Variants in IPCEF1 observed in about 807,000 individuals in gnomAD.
IPCEF1 encodes the protein interaction protein for cytohesin exchange factors 1.
In IPCEF1, 31 loss-of-function variants were observed where a neutral mutation model predicts 50.9. That is an observed-to-expected ratio of 0.61 (90% CI 0.46 to 0.82). The LOEUF is 0.82. Ranked by LOEUF, IPCEF1 falls within the 40% of genes least tolerant of loss-of-function variation. The pLI, the probability that IPCEF1 is intolerant of heterozygous loss-of-function variation, is 0.00. For synonymous variants in IPCEF1, 181 were observed against 192.0 expected (o/e 0.94, Z 0.47); for missense variants, 458 against 514.0 (o/e 0.89, Z 1.05).
rs190964260 is a variant in IPCEF1 at position 154,299,068 on chromosome 6, A to G, written c.-61-9312T>C. On this transcript the variant is annotated intron_variant, in intron 1 of 11. Transcript: ENST00000367220. ...CCTCTTTATCCCAGGATGTTAACCC[A>G]AAGAGTTTAGGAAATACTGCTATTT... Among the ~76,000 whole-genome samples the G allele has an allele frequency of 1.4e-5, 2 of 141,876 alleles. 1 individual carries two copies. The highest frequency in any genetic ancestry group is 1.4e-4 in the Admixed American group (2 of 13,796). 93.1% of individuals were successfully genotyped at this position (141,876 alleles called of 152,430 possible).
rs553240040 is a variant in IPCEF1 at position 154,266,104 on chromosome 6, C to T, written c.-17-140G>A. 63 of 592,832 alleles carry T rather than the reference C, an allele frequency of 1.1e-4. 1 individual carries two copies. Among genetic ancestry groups the T allele is most frequent in the South Asian group, 9.6e-4 (44 of 45,602 alleles). 36.7% of individuals were successfully genotyped at this position (592,832 alleles called of 1,614,324 possible). Reference sequence around the variant, plus strand: ...AAAAGTAATTCATTAAATAGCCTTTCGGCCAGGCATGGTGGCTCATGCCTC... The same window carrying T: ...AAAAGTAATTCATTAAATAGCCTTTTGGCCAGGCATGGTGGCTCATGCCTC... On this transcript the variant is annotated intron_variant, in intron 2 of 11. Transcript: ENST00000367220.
chr6:154,354,126 T>C (rs991596138), intron 1 of IPCEF1, among the ~76,000 whole-genome samples: 3 of 152,210 alleles, frequency 2.0e-5, no homozygotes, highest in Non-Finnish European at 4.4e-5. Flanking sequence ...AGTCAATATG[T>C]TATAGTCACC....
At chr6:154,219,332 CTACT>C (rs1778660617) in intron 7 of IPCEF1, 1 of 152,334 alleles carries the variant, frequency 6.6e-6, no homozygotes, top group South Asian at 2.1e-4. Context: ...GAGAGGAAAA[CTACT>C]TGCAAGGAAT....
chr6:154,242,237 T>C (rs1331640637), intron 5 of IPCEF1, among the ~76,000 whole-genome samples: 2 of 152,178 alleles, frequency 1.3e-5, no homozygotes, highest in Non-Finnish European at 2.9e-5. Context: ...AGAGCAGCTG[T>C]GCAGGACCTA....
intron 1 of IPCEF1, among the ~76,000 whole-genome samples, chr6:154,307,744 A>G (rs1392564878): frequency 1.3e-5 from 2 of 152,248 alleles, no homozygotes; most frequent in Non-Finnish European, 2.9e-5. Flanking sequence ...AAAAGCATCT[A>G]GATGTACATT....
At chr6:154,288,906 A>C (rs1215316068) in intron 2 of IPCEF1, among the ~76,000 whole-genome samples, 2 of 151,960 alleles carry the variant, frequency 1.3e-5, no homozygotes, top group African/African-American at 4.8e-5. Context: ...TTTACAAAAA[A>C]TTTTAAAAAT....
intron 1 of IPCEF1, among the ~76,000 whole-genome samples, chr6:154,335,670 C>CA (rs1427062152): frequency 2.0e-5 from 3 of 151,608 alleles, no homozygotes; most frequent in Non-Finnish European, 4.4e-5. Context: ...ACCCTCATCT[C>CA]AAAAAAATAA....
intron 2 of IPCEF1, among the ~76,000 whole-genome samples, chr6:154,285,977 C>A (rs1396950739): frequency 6.6e-6 from 1 of 152,160 alleles, no homozygotes; most frequent in Non-Finnish European, 1.5e-5. Flanking sequence ...TGTTCAAATG[C>A]ATTCACATAA....
chr6:154,283,291 CAAAAAAAAAAA>C (rs35691566), intron 2 of IPCEF1, among the ~76,000 whole-genome samples: 2 of 66,372 alleles, frequency 3.0e-5, no homozygotes, highest in Non-Finnish European at 5.3e-5. Context: ...AACTCCATCT[CAAAAAAAAAAA>C]AAAAAAAAAG....
chr6:154,214,065 T>C (rs904755210), intron 8 of IPCEF1, among the ~76,000 whole-genome samples, 153 bp downstream of exon 8: 3 of 152,238 alleles, frequency 2.0e-5, no homozygotes, highest in African/African-American at 4.8e-5. Flanking sequence ...TGTGTGAATA[T>C]GTCTGTCTCC....
chr6:154,211,580 A>G (rs564171533), intron 9 of IPCEF1, among the ~76,000 whole-genome samples: 1 of 152,300 alleles, frequency 6.6e-6, no homozygotes, highest in Admixed American at 6.5e-5. Flanking sequence ...CATGACCTAG[A>G]ATAGGAAACA....
At chr6:154,197,826 G>T (rs534880592) in intron 10 of IPCEF1, among the ~76,000 whole-genome samples, 36 of 152,026 alleles carry the variant, frequency 2.4e-4, no homozygotes, top group South Asian at 1.9e-3. Context: ...CATCCTGGGG[G>T]GTGTGTGTGT....
intron 10 of IPCEF1, among the ~76,000 whole-genome samples, chr6:154,188,827 T>TAA (rs1801611059): frequency 6.6e-6 from 1 of 152,190 alleles, no homozygotes. Flanking sequence ...TAAGATGATA[T>TAA]TGTATCTCAT....
intron 1 of IPCEF1, among the ~76,000 whole-genome samples, chr6:154,293,660 T>G (rs886238131): frequency 2.6e-5 from 4 of 152,344 alleles, no homozygotes; most frequent in Admixed American, 1.3e-4. Flanking sequence ...ATGAACTATC[T>G]TTTCCACTTC....
intron 3 of IPCEF1, 86 bp downstream of exon 3, chr6:154,265,826 T>C: frequency 1.1e-6 from 1 of 923,240 alleles, no homozygotes; most frequent in Non-Finnish European, 1.7e-6. Flanking sequence ...AATAAATTGC[T>C]AGCCAAACTT....
At chr6:154,222,776 C>T (rs1200214882) in intron 6 of IPCEF1, among the ~76,000 whole-genome samples, 2 of 152,190 alleles carry the variant, frequency 1.3e-5, no homozygotes, top group African/African-American at 4.8e-5. Flanking sequence ...ACTCCATGAA[C>T]TAAGAAAGAA....
intron 9 of IPCEF1, among the ~76,000 whole-genome samples, chr6:154,203,934 C>T (rs1048809481): frequency 6.6e-6 from 1 of 152,100 alleles, no homozygotes; most frequent in Admixed American, 6.6e-5. Context: ...AAGGGGCTAT[C>T]GGTGCCAATT....
chr6:154,302,224 C>G (rs1482923975), intron 1 of IPCEF1, among the ~76,000 whole-genome samples: 2 of 152,190 alleles, frequency 1.3e-5, no homozygotes, highest in African/African-American at 4.8e-5. Flanking sequence ...GTAACAGAAA[C>G]ATTTATAGAC....
intron 2 of IPCEF1, among the ~76,000 whole-genome samples, chr6:154,274,008 C>G (rs1421711423): frequency 6.6e-6 from 1 of 150,618 alleles, no homozygotes; most frequent in Non-Finnish European, 1.5e-5. Flanking sequence ...CCGCCTCAGC[C>G]TCCCAAAGTT....
Sources: gnomAD v4.1 joint callset for allele counts (sites outside exome capture counted in the v4.1 genomes callset) on GRCh38, gnomAD v4.1.1 for gene constraint, MANE v1.5 for transcripts, NCBI Gene and HGNC (gene_info 2026-07-23, HGNC 2026-07-21) for gene names.